Variants in TSC22D1 observed in about 807,000 individuals in gnomAD.
TSC22D1 encodes TSC22 domain family member 1, also known as TSC22 domain family protein 1.
TSC22D1 carries 9 observed loss-of-function variants against 74.2 expected under a neutral mutation model. The ratio of observed to expected loss-of-function variants is 0.12; its 90% confidence interval spans 0.07 to 0.21. The LOEUF (loss-of-function observed/expected upper bound fraction) is 0.21. TSC22D1 is among the 10% of genes least tolerant of loss of function. TSC22D1 has a pLI of 1.00. For synonymous variants in TSC22D1, 586 were observed against 492.5 expected, an observed-to-expected ratio of 1.19 and a Z score of -2.51; for missense variants, 1,427 against 1,304.7, an observed-to-expected ratio of 1.09 and a Z score of -1.44.
intron 1 of TSC22D1, among the ~76,000 whole-genome samples, chr13:44,571,540 T>A (rs896642107): frequency 1.3e-5 from 2 of 152,192 alleles, no homozygotes; most frequent in African/African-American, 4.8e-5. Flanking sequence ...TTTTTGTTTG[T>A]GTATTTTACC....
At chr13:44,572,349 T>C (rs946170963) in intron 1 of TSC22D1, among the ~76,000 whole-genome samples, 1 of 152,188 alleles carries the variant, frequency 6.6e-6, no homozygotes, top group Non-Finnish European at 1.5e-5. Context: ...TTTCTGTATC[T>C]TTTTGGTAAG....
At position 44,575,085 on chromosome 13, in the gene TSC22D1, G is replaced by A. The variant is rs1884111231; in HGVS notation, c.990C>T (p.Ser330=). 1 of 1,614,040 alleles carries A rather than the reference G, an allele frequency of 6.2e-7. No individual in the cohort carries two copies. The highest frequency in any genetic ancestry group is 1.3e-5 in the African/African-American group (1 of 74,928). ...AVGSFNPNVT[S]SMLGNVNIST... ...TTATATTAACATTACCAAGCATGCT[G>A]CTTGTCACATTAGGATTAAAACTAC... The change falls in exon 1 of 3, where the codon AGC becomes AGT. Residue 330 remains serine (S), a synonymous_variant. Coordinates refer to ENST00000458659, the MANE Select transcript of TSC22D1 (RefSeq NM_183422.4).
At chr13:44,484,748 T>A (rs1168788125) in intron 1 of TSC22D1, among the ~76,000 whole-genome samples, 1 of 152,218 alleles carries the variant, frequency 6.6e-6, no homozygotes, top group African/African-American at 2.4e-5. Flanking sequence ...TATCATTAGC[T>A]GATGGGCTCT....
intron 1 of TSC22D1, among the ~76,000 whole-genome samples, chr13:44,487,236 C>T (rs1239116186): frequency 4.6e-5 from 7 of 151,910 alleles, no homozygotes; most frequent in East Asian, 1.9e-4. Context: ...TGGTGGCTCA[C>T]GCCTGTAATC....
intron 1 of TSC22D1, among the ~76,000 whole-genome samples, chr13:44,508,997 A>G (rs1344144197): frequency 6.6e-6 from 1 of 152,210 alleles, no homozygotes; most frequent in Non-Finnish European, 1.5e-5. Context: ...TCTTGACAGG[A>G]CAAAATAACA....
chr13:44,454,342 AT>A (rs1328325866), intron 1 of TSC22D1, among the ~76,000 whole-genome samples: 2 of 152,152 alleles, frequency 1.3e-5, no homozygotes, highest in Non-Finnish European at 2.9e-5. Context: ...AACAGAAAGT[AT>A]TTTTTTAATG....
chr13:44,538,099 C>T (rs1408800603), intron 1 of TSC22D1: 1 of 985,142 alleles, frequency 1.0e-6, no homozygotes, highest in East Asian at 1.1e-4. Context: ...TCCTTCACAC[C>T]TACAGGCTTA....
At chr13:44,517,919 G>T (rs1880130228) in intron 1 of TSC22D1, among the ~76,000 whole-genome samples, 1 of 132,518 alleles carries the variant, frequency 7.5e-6, no homozygotes, top group African/African-American at 2.9e-5. Context: ...GCATTGGCAG[G>T]ATCACAGCTC....
chr13:44,518,554 T>C (rs1880161257), intron 1 of TSC22D1, among the ~76,000 whole-genome samples: 1 of 152,182 alleles, frequency 6.6e-6, no homozygotes, highest in Non-Finnish European at 1.5e-5. Context: ...GGAATTTAAT[T>C]AACATGCAAA....
chr13:44,550,419 T>C (rs1466642490), intron 1 of TSC22D1, among the ~76,000 whole-genome samples: 1 of 151,878 alleles, frequency 6.6e-6, no homozygotes, highest in African/African-American at 2.4e-5. Flanking sequence ...CCATCTCTAC[T>C]AAAAATACAA....
At chr13:44,509,569 G>A (rs1018639995) in intron 1 of TSC22D1, among the ~76,000 whole-genome samples, 28 of 152,208 alleles carry the variant, frequency 1.8e-4, no homozygotes, top group African/African-American at 6.8e-4. Flanking sequence ...GAACCCAGGA[G>A]GCGGAGGTTG....
intron 1 of TSC22D1, among the ~76,000 whole-genome samples, chr13:44,467,358 G>A (rs1400479496): frequency 6.6e-6 from 1 of 152,040 alleles, no homozygotes; most frequent in Non-Finnish European, 1.5e-5. Context: ...TTATCACTAA[G>A]ATCCCAAAAG....
At chr13:44,451,001 G>A (rs1400190960) in intron 1 of TSC22D1, among the ~76,000 whole-genome samples, 1 of 152,188 alleles carries the variant, frequency 6.6e-6, no homozygotes, top group Non-Finnish European at 1.5e-5. Context: ...GCACTTGCAA[G>A]AACCTTGAAT....
At chr13:44,557,933 C>T (rs1882788510) in intron 1 of TSC22D1, among the ~76,000 whole-genome samples, 1 of 152,018 alleles carries the variant, frequency 6.6e-6, no homozygotes, top group South Asian at 2.1e-4. Context: ...TTAAAGTTTA[C>T]TTTTTAGCAA....
At chr13:44,537,656 C>G in intron 1 of TSC22D1, 1 of 984,400 alleles carries the variant, frequency 1.0e-6, no homozygotes, top group Non-Finnish European at 1.2e-6. Flanking sequence ...TTACTAAAAA[C>G]AAGTCGGGAG....
chr13:44,481,877 T>TA (rs933469363), intron 1 of TSC22D1, among the ~76,000 whole-genome samples: 3 of 152,004 alleles, frequency 2.0e-5, no homozygotes, highest in Admixed American at 6.6e-5. Context: ...TCCTTTGAAT[T>TA]AAAAAAAATT....
At chr13:44,558,722 A>G (rs1882849590) in intron 1 of TSC22D1, among the ~76,000 whole-genome samples, 1 of 152,212 alleles carries the variant, frequency 6.6e-6, no homozygotes, top group Non-Finnish European at 1.5e-5. Context: ...CCTGGGTGAC[A>G]GAGCAAGACT....
At chr13:44,524,576 C>T (rs1197119236) in intron 1 of TSC22D1, among the ~76,000 whole-genome samples, 1 of 152,094 alleles carries the variant, frequency 6.6e-6, no homozygotes, top group Non-Finnish European at 1.5e-5. Context: ...GATGGAGTTT[C>T]ACTCTTGTCA....
intron 1 of TSC22D1, among the ~76,000 whole-genome samples, chr13:44,546,828 G>A (rs901286215): frequency 6.6e-6 from 1 of 151,034 alleles, no homozygotes; most frequent in South Asian, 2.1e-4. Flanking sequence ...GCTAGGATGC[G>A]CTGAAACAAT....
Sources: allele counts gnomAD v4.1 joint callset (sites outside exome capture counted in the v4.1 genomes callset), GRCh38; gene constraint gnomAD v4.1.1; transcripts MANE v1.5; gene names NCBI Gene and HGNC (gene_info 2026-07-23, HGNC 2026-07-21).